Variants in BTBD10 observed in about 807,000 individuals in gnomAD.
BTBD10 encodes the protein BTB domain containing 10, also known as BTB/POZ domain-containing protein 10.
In BTBD10, 21 loss-of-function variants were observed where a neutral mutation model predicts 53.2. The observed-to-expected ratio is 0.39, with a 90% CI of 0.28 to 0.57. The LOEUF is 0.57. BTBD10 is among the 20% of genes least tolerant of loss of function. The probability of loss-of-function intolerance (pLI) is 0.53; values close to 1 mark genes in which losing one functional copy is unlikely to be tolerated. For missense variants in BTBD10, 360 were observed against 594.7 expected (o/e 0.61, Z 4.10); for synonymous variants, 149 against 192.7 (o/e 0.77, Z 1.88).
chr11:13,432,984 T>A (rs1215770856), intron 2 of BTBD10, among the ~76,000 whole-genome samples: 1 of 152,094 alleles, frequency 6.6e-6, no homozygotes, highest in Non-Finnish European at 1.5e-5. Flanking sequence ...AGAAAACTGT[T>A]GACAAATACA....
Position 13,388,941 on chromosome 11 carries a change from G to A in BTBD10, c.1318C>T (p.Leu440=). ...TGTGGAGTTGGATGCATGACTACCA[G>A]CTGGTCCTGGGGAATGTCTGCTGCA... ...AAAADIPQDQ[L]VVMHPTPQVD... is the part of the protein sequence containing the mutation. The change falls in exon 9 of 9, where the codon CTG becomes TTG. Residue 440 remains leucine, a synonymous_variant. Transcript: ENST00000278174. 6.2e-7 allele frequency: 1 copy of A among 1,614,214 alleles called. No homozygotes were observed. Among genetic ancestry groups the A allele is most frequent in the South Asian group, 1.1e-5 (1 of 91,090 alleles).
chr11:13,389,206 T>C lies in BTBD10; in HGVS notation c.1118-65A>G. The stretch of plus-strand genomic sequence containing the variant: ...ACAGACCTCTCACCCAATTTCGCCT[T>C]AGAAAGCTTTTCTGCTATAGATCCT... On this transcript the variant is annotated intron_variant, in intron 8 of 8. Coordinates refer to ENST00000278174, the MANE Select transcript of BTBD10 (RefSeq NM_032320.7). 2.1e-6 allele frequency: 3 copies of C among 1,403,404 alleles called. No individual in the cohort carries two copies. The South Asian group carries it at 4.1e-5, about 19-fold the overall frequency. 86.9% of individuals were successfully genotyped at this position (1,403,404 alleles called of 1,614,324 possible).
At chr11:13,419,061 C>T (rs762384672) in intron 4 of BTBD10, among the ~76,000 whole-genome samples, 5 of 145,680 alleles carry the variant, frequency 3.4e-5, no homozygotes, top group South Asian at 2.1e-4. Context: ...GTTTTTTTTC[C>T]GCCTTTAAAC....
At chr11:13,419,238 C>G (rs1950192404) in intron 4 of BTBD10, among the ~76,000 whole-genome samples, 1 of 152,054 alleles carries the variant, frequency 6.6e-6, no homozygotes, top group Non-Finnish European at 1.5e-5. Flanking sequence ...ACTGGTACTG[C>G]AAAGAACACT....
At chr11:13,443,053 CAAAT>C (rs1565266522) in intron 2 of BTBD10, among the ~76,000 whole-genome samples, 1 of 151,920 alleles carries the variant, frequency 6.6e-6, no homozygotes, top group Admixed American at 6.6e-5. Context: ...GTTTTTCACT[CAAAT>C]AACCCTAAAT....
intron 2 of BTBD10, among the ~76,000 whole-genome samples, chr11:13,427,226 A>C (rs952758601): frequency 2.0e-5 from 3 of 152,036 alleles, no homozygotes; most frequent in African/African-American, 7.2e-5. Context: ...TAAAATAATA[A>C]TAATAATAAT....
intron 8 of BTBD10, 68 bp from the exon 9 acceptor site, chr11:13,389,209 A>G: frequency 7.3e-7 from 1 of 1,362,476 alleles, no homozygotes; most frequent in Non-Finnish European, 1.0e-6. Context: ...TTCGCCTTAG[A>G]AAGCTTTTCT....
Position 13,413,571 on chromosome 11 carries a change from C to T in BTBD10, c.767G>A (p.Cys256Tyr). ...AATAGTGCTATATTCAAAAGAGATA[C>T]AAAGATAGTCACATGCTTCTCTCAG... ...PELREACDYL[C>Y]ISFEYSTIKC... The change falls in exon 6 of 9, where the codon TGT (cysteine) becomes TAT (tyrosine). Residue 256 changes from cysteine to tyrosine, a missense_variant. Cys to Tyr is a radical substitution (Grantham distance 194, BLOSUM62 -2). This residue lies in a region of BTBD10 where 91 missense variants were observed against 171.7 expected (regional missense o/e 0.53). Transcript: ENST00000278174. 1 of 1,610,554 alleles carries T rather than the reference C, an allele frequency of 6.2e-7. No individual in the cohort carries two copies. The highest frequency in any genetic ancestry group is 8.5e-7 in the Non-Finnish European group (1 of 1,177,810).
chr11:13,461,937 T>TC (rs1201867201), intron 1 of BTBD10, among the ~76,000 whole-genome samples: 1 of 151,880 alleles, frequency 6.6e-6, no homozygotes, highest in East Asian at 1.9e-4. Flanking sequence ...ACACTTTTTT[T>TC]TTTTTTTTTT....
chr11:13,392,181 T>A (rs1326278574), intron 8 of BTBD10, among the ~76,000 whole-genome samples: 1 of 152,132 alleles, frequency 6.6e-6, no homozygotes, highest in Non-Finnish European at 1.5e-5. Context: ...TAAGAGAAAG[T>A]GTTAAAGCAA....
chr11:13,413,772 G>A (rs1478164223), intron 5 of BTBD10, 122 bp from the exon 6 acceptor site: 4 of 949,990 alleles, frequency 4.2e-6, no homozygotes, highest in East Asian at 5.7e-5. Flanking sequence ...TCTCTGAAAT[G>A]TGGAAGTTTA....
chr11:13,417,297 A>G (rs1378611155), intron 4 of BTBD10, 37 bp from the exon 5 acceptor site: 3 of 1,416,526 alleles, frequency 2.1e-6, no homozygotes, highest in Non-Finnish European at 2.9e-6. Flanking sequence ...CGTCAATAGA[A>G]TACTTCCTTC....
At chr11:13,398,776 G>T (rs572900793) in intron 8 of BTBD10, among the ~76,000 whole-genome samples, 57 of 152,160 alleles carry the variant, frequency 3.7e-4, no homozygotes, top group African/African-American at 1.3e-3. Flanking sequence ...TGTCTGTAAA[G>T]GATTTTATTT....
At chr11:13,391,555 T>G (rs1042095167) in intron 8 of BTBD10, among the ~76,000 whole-genome samples, 2 of 152,234 alleles carry the variant, frequency 1.3e-5, no homozygotes, top group Non-Finnish European at 2.9e-5. Context: ...GTGCCTAGCA[T>G]AGTACCTGAT....
intron 2 of BTBD10, among the ~76,000 whole-genome samples, chr11:13,432,621 ACTGT>A (rs1950470153): frequency 6.6e-6 from 1 of 152,080 alleles, no homozygotes; most frequent in African/African-American, 2.4e-5. Context: ...AACACACAAA[ACTGT>A]AATAAATTCA....
At chr11:13,394,964 C>T (rs1949502936) in intron 8 of BTBD10, among the ~76,000 whole-genome samples, 1 of 151,344 alleles carries the variant, frequency 6.6e-6, no homozygotes, top group Non-Finnish European at 1.5e-5. Context: ...TGGGTTGGTT[C>T]CAAGTCTGTG....
intron 4 of BTBD10, among the ~76,000 whole-genome samples, chr11:13,417,679 C>T (rs1417201667): frequency 6.6e-6 from 1 of 152,114 alleles, no homozygotes; most frequent in Non-Finnish European, 1.5e-5. Context: ...TAATGCAGCA[C>T]ATAATAGCAA....
intron 8 of BTBD10, among the ~76,000 whole-genome samples, chr11:13,394,486 T>A (rs895240695): frequency 3.3e-5 from 5 of 152,230 alleles, no homozygotes; most frequent in Admixed American, 1.3e-4. Flanking sequence ...TGCGGAATTG[T>A]GCACCAAATA....
At chr11:13,405,883 T>C (rs1219903696) in intron 6 of BTBD10, 27 bp from the exon 7 acceptor site, 3 of 1,602,842 alleles carry the variant, frequency 1.9e-6, no homozygotes, top group African/African-American at 2.7e-5. Context: ...AAAAATATCT[T>C]ACCAAAACTT....
Sources: gnomAD v4.1 joint callset for allele counts (sites outside exome capture counted in the v4.1 genomes callset) on GRCh38, gnomAD v4.1.1 for gene constraint, gnomAD v4.1.1 regional missense constraint, MANE v1.5 for transcripts, NCBI Gene and HGNC (gene_info 2026-07-23, HGNC 2026-07-21) for gene names.